The following MSL2 variants were observed in gnomAD, a reference collection of about 807,000 sequenced individuals.
MSL2 encodes the protein E3 ubiquitin-protein ligase MSL2.
A neutral mutation model predicts 35.8 loss-of-function variants in MSL2; 2 were observed. The ratio of observed to expected loss-of-function variants is 0.06; its 90% CI spans 0.02 to 0.18. The LOEUF is 0.18. MSL2 is among the 10% of genes least tolerant of loss of function. The pLI, the probability that MSL2 is intolerant of heterozygous loss-of-function variation, is 1.00. For missense variants in MSL2, 523 were observed against 706.7 expected, an observed-to-expected ratio of 0.74 and a Z score of 2.95; for synonymous variants, 296 against 255.7, an observed-to-expected ratio of 1.16 and a Z score of -1.50.
intron 1 of MSL2, among the ~76,000 whole-genome samples, chr3:136,166,343 G>A (rs142583482): frequency 9.9e-4 from 150 of 151,570 alleles, no homozygotes; most frequent in African/African-American, 3.3e-3. Context: ...AGACAAGATC[G>A]CACCACTGCA....
intron 1 of MSL2, among the ~76,000 whole-genome samples, chr3:136,153,528 C>A (rs1939432447): frequency 6.6e-6 from 1 of 152,200 alleles, no homozygotes; most frequent in South Asian, 2.1e-4. Flanking sequence ...TGGCTCATGC[C>A]TATAATCCCA....
chr3:136,182,754 A>G, intron 1 of MSL2, among the ~76,000 whole-genome samples: 1 of 152,022 alleles, frequency 6.6e-6, no homozygotes, highest in Admixed American at 6.6e-5. Flanking sequence ...AGAGTGGTGT[A>G]CCAGGTCCCT....
At chr3:136,193,605 A>C (rs914788483) in intron 1 of MSL2, among the ~76,000 whole-genome samples, 1 of 152,138 alleles carries the variant, frequency 6.6e-6, no homozygotes, top group Non-Finnish European at 1.5e-5. Context: ...GCACTCCATA[A>C]AAGTGGGAGT....
In MSL2 at chr3:136,150,332, T is replaced by C. The variant is rs1378641158; in HGVS notation, c.*815A>G. 3 of 152,298 alleles carry C rather than the reference T, an allele frequency of 2.0e-5. No homozygotes were observed. Among genetic ancestry groups the C allele is most frequent in the Non-Finnish European group, 4.4e-5 (3 of 68,038 alleles). The allele number at this position is 152,298 out of a possible 1,614,324, so 9.4% of individuals were successfully genotyped here. On this transcript the variant is annotated 3_prime_UTR_variant, in exon 2 of 2. Coordinates refer to ENST00000309993, the MANE Select transcript of MSL2 (RefSeq NM_018133.4). ...AGCATTATTCCAAAATTATTTTAAG[T>C]AAATCCCAATTACTAAATAAAATCT...
intron 1 of MSL2, among the ~76,000 whole-genome samples, chr3:136,154,087 TAAA>T (rs149944952): frequency 7.4e-6 from 1 of 135,540 alleles, no homozygotes; most frequent in Non-Finnish European, 1.6e-5. Flanking sequence ...CCGTCTCATT[TAAA>T]AAAAAAAAAA....
chr3:136,160,519 G>C (rs1939680564), intron 1 of MSL2, among the ~76,000 whole-genome samples: 1 of 151,444 alleles, frequency 6.6e-6, no homozygotes, highest in Admixed American at 6.6e-5. Context: ...AGACCAGCCT[G>C]GCCAACACAG....
chr3:136,182,673 A>T (rs1172213613), intron 1 of MSL2, among the ~76,000 whole-genome samples: 1 of 151,410 alleles, frequency 6.6e-6, no homozygotes, highest in Admixed American at 6.6e-5. Flanking sequence ...GGTCCAGCGC[A>T]CCACTGCACT....
At chr3:136,172,465 C>G (rs1341812638) in intron 1 of MSL2, among the ~76,000 whole-genome samples, 1 of 152,110 alleles carries the variant, frequency 6.6e-6, no homozygotes, top group Non-Finnish European at 1.5e-5. Flanking sequence ...TCCAGTTATT[C>G]CCTATGCAGA....
chr3:136,180,903 C>T (rs1017760159), intron 1 of MSL2, among the ~76,000 whole-genome samples: 10 of 149,010 alleles, frequency 6.7e-5, no homozygotes, highest in Non-Finnish European at 8.9e-5. Flanking sequence ...CAGCACTTTG[C>T]GGGGCGGGGG....
intron 1 of MSL2, chr3:136,156,110 A>T: frequency 5.1e-6 from 1 of 197,230 alleles, no homozygotes; most frequent in Non-Finnish European, 1.1e-5. Flanking sequence ...GCTGGAGTCC[A>T]GTATTTCTTG....
At chr3:136,164,422 A>G (rs1939784894) in intron 1 of MSL2, among the ~76,000 whole-genome samples, 1 of 152,216 alleles carries the variant, frequency 6.6e-6, no homozygotes, top group Admixed American at 6.5e-5. Flanking sequence ...CCCACCACAA[A>G]TATCTGAAAC....
intron 1 of MSL2, among the ~76,000 whole-genome samples, chr3:136,156,209 G>A (rs1454078316): frequency 1.3e-5 from 2 of 152,228 alleles, no homozygotes; most frequent in South Asian, 2.1e-4. Flanking sequence ...ATCCTAATGC[G>A]AAACTTAGGA....
intron 1 of MSL2, among the ~76,000 whole-genome samples, chr3:136,166,145 T>C (rs1043307226): frequency 4.6e-5 from 7 of 150,598 alleles, no homozygotes; most frequent in Non-Finnish European, 1.0e-4. Context: ...TCCCAGTACT[T>C]TGGGAGGCCG....
chr3:136,181,145 C>G (rs1006319684), intron 1 of MSL2, among the ~76,000 whole-genome samples: 8 of 151,626 alleles, frequency 5.3e-5, no homozygotes, highest in Non-Finnish European at 1.2e-4. Flanking sequence ...GAGTAAAACT[C>G]TGTCTCAAAA....
At chr3:136,169,275 G>A (rs1359979183) in intron 1 of MSL2, among the ~76,000 whole-genome samples, 2 of 132,144 alleles carry the variant, frequency 1.5e-5, no homozygotes, top group African/African-American at 5.7e-5. Context: ...AAATGGTTAC[G>A]GGTACATAAT....
intron 1 of MSL2, among the ~76,000 whole-genome samples, chr3:136,168,278 A>G (rs932803622): frequency 6.6e-6 from 1 of 152,206 alleles, no homozygotes; most frequent in African/African-American, 2.4e-5. Flanking sequence ...CAAAAACTTC[A>G]CTTGCTAAAA....
rs538371645 is a variant in MSL2 at position 136,196,058 on chromosome 3, G to A, written c.-945C>T. On this transcript the variant is annotated 5_prime_UTR_variant, in exon 1 of 2. Transcript: ENST00000309993. ...CCCTCAGCACTCCCCGGCCGCGGAA[G>A]GCAAGCGCTCACACCGCCAGGCCCC... 1.3e-3 allele frequency: 210 copies of A among 158,086 alleles called. No homozygotes were observed. The highest frequency in any genetic ancestry group is 1.9e-3 in the Admixed American group (29 of 15,296). The allele number at this position is 158,086 out of a possible 1,614,324, so 9.8% of individuals were successfully genotyped here.
At chr3:136,169,362 G>C (rs1385536965) in intron 1 of MSL2, among the ~76,000 whole-genome samples, 1 of 151,188 alleles carries the variant, frequency 6.6e-6, no homozygotes, top group African/African-American at 2.4e-5. Context: ...AGGCTAACTG[G>C]AATATCCATC....
Position 136,195,361 on chromosome 3 carries a change from G to C in MSL2, c.-248C>G. On this transcript the variant is annotated 5_prime_UTR_variant, in exon 1 of 2. Coordinates refer to ENST00000309993, the MANE Select transcript of MSL2 (RefSeq NM_018133.4). ...AAATATGAGAGAGAAACCAGCGTTC[G>C]AGTTCGTCCGGAGCGACCACAGAGC... 1 of 1,258,472 alleles carries C rather than the reference G, an allele frequency of 7.9e-7. No individual in the cohort carries two copies. Among genetic ancestry groups the C allele is most frequent in the East Asian group, 4.0e-5 (1 of 25,198 alleles). 78.0% of individuals were successfully genotyped at this position (1,258,472 alleles called of 1,614,324 possible).
Sources: gnomAD v4.1 joint callset for allele counts (sites outside exome capture counted in the v4.1 genomes callset) on GRCh38, gnomAD v4.1.1 for gene constraint, MANE v1.5 for transcripts, NCBI Gene and HGNC (gene_info 2026-07-23, HGNC 2026-07-21) for gene names.